The following GPRC5D variants were observed in gnomAD, a reference collection of about 807,000 sequenced individuals.
The protein encoded by GPRC5D is G protein-coupled receptor class C group 5 member D, also known as G protein-coupled receptor family C group 5 member D.
In GPRC5D, 20 loss-of-function variants were observed where a neutral mutation model predicts 29.3. The ratio of observed to expected loss-of-function variants is 0.68; its 90% CI spans 0.48 to 0.99. GPRC5D has a LOEUF of 0.99. Ranked by LOEUF, GPRC5D falls within the 50% of genes least tolerant of loss-of-function variation. GPRC5D has a pLI of 0.00. For missense variants in GPRC5D, 384 were observed against 423.6 expected, an observed-to-expected ratio of 0.91 and a Z score of 0.82; for synonymous variants, 178 against 171.3, an observed-to-expected ratio of 1.04 and a Z score of -0.30.
At chr12:12,946,319 TTC>T (rs1565478413) in intron 1 of GPRC5D, among the ~76,000 whole-genome samples, 2 of 145,128 alleles carry the variant, frequency 1.4e-5, no homozygotes, top group African/African-American at 5.2e-5. Context: ...TTTTCTTTCT[TTC>T]TTTCTTTCTT....
chr12:12,944,021 G>C (rs1420224881), intron 1 of GPRC5D, among the ~76,000 whole-genome samples: 1 of 152,170 alleles, frequency 6.6e-6, no homozygotes, highest in South Asian at 2.1e-4. Flanking sequence ...ACCTTGGTTT[G>C]GTCTCGAAGC....
chr12:12,950,358 A>C, exon 1 of GPRC5D: 2 of 1,609,004 alleles, frequency 1.2e-6, no homozygotes, highest in East Asian at 4.5e-5. Flanking sequence ...AATAGTCTCC[A>C]GTGGACTCGA....
intron 1 of GPRC5D, among the ~76,000 whole-genome samples, chr12:12,942,798 G>C (rs1863187415): frequency 6.6e-6 from 1 of 152,156 alleles, no homozygotes; most frequent in African/African-American, 2.4e-5. Context: ...TGATTTAAAG[G>C]AGTGTATTTA....
chr12:12,945,027 C>T (rs1006753079), intron 1 of GPRC5D, among the ~76,000 whole-genome samples: 9 of 147,482 alleles, frequency 6.1e-5, no homozygotes, highest in Non-Finnish European at 1.0e-4. Context: ...TTCTTTCTTT[C>T]GAGTCTCGTT....
intron 1 of GPRC5D, among the ~76,000 whole-genome samples, chr12:12,946,297 TTCCTTCCTTCCTTTTC>T: frequency 1.2e-4 from 2 of 17,122 alleles, no homozygotes; most frequent in Admixed American, 5.6e-4. Context: ...CCTTTCTTCC[TTCCTTCCTTCCTTTTC>T]TTTCTTTCTT....
At chr12:12,944,405 A>G (rs938445728) in intron 1 of GPRC5D, 1 of 152,108 alleles carries the variant, frequency 6.6e-6, no homozygotes, top group Admixed American at 6.6e-5. Context: ...TGAGGGTGAC[A>G]AAAAAGAACT....
At chr12:12,942,372 C>T in intron 1 of GPRC5D, 44 bp from the exon 3 acceptor site, 1 of 1,210,096 alleles carries the variant, frequency 8.3e-7, no homozygotes, top group Non-Finnish European at 1.2e-6. Flanking sequence ...GTCCGAGAGT[C>T]AATCGGAAAC....
downstream of GPRC5D, chr12:12,940,639 A>G (rs1863117485): frequency 3.6e-6 from 2 of 561,722 alleles, no homozygotes; most frequent in African/African-American, 3.7e-5. Context: ...GTCCTGGTGG[A>G]TGGAGGGGTT....
chr12:12,946,943 A>C (rs1375035777), intron 1 of GPRC5D: 1 of 152,372 alleles, frequency 6.6e-6, no homozygotes, highest in African/African-American at 2.4e-5. Flanking sequence ...GTTTTGGGAC[A>C]GAATTTCGAG....
intron 1 of GPRC5D, among the ~76,000 whole-genome samples, chr12:12,947,543 C>T (rs950596817): frequency 4.1e-5 from 6 of 145,716 alleles, no homozygotes; most frequent in South Asian, 2.4e-4. Flanking sequence ...CTTCCTTCCT[C>T]CCTCCCTCCC....
chr12:12,946,388 TTCTC>T (rs553114607), intron 1 of GPRC5D, among the ~76,000 whole-genome samples: 5 of 140,574 alleles, frequency 3.6e-5, no homozygotes, highest in African/African-American at 5.2e-5. Context: ...CTTTCTCTCT[TTCTC>T]TCTCTCTCTT....
upstream of GPRC5D, among the ~76,000 whole-genome samples, chr12:12,951,721 C>T (rs575283583): frequency 3.1e-3 from 477 of 152,274 alleles, 3 homozygotes; most frequent in African/African-American, 0.011. Context: ...TTGGATCGTT[C>T]TAGACACTGA....
rs145187538 is a variant in GPRC5D at position 12,941,460 on chromosome 12, T to C, written c.964-611A>G. Among the ~76,000 whole-genome samples the C allele has an allele frequency of 5.9e-3, 893 of 152,264 alleles. 10 individuals carry two copies. Among genetic ancestry groups the C allele is most frequent in the African/African-American group, 0.021 (863 of 41,538 alleles). On this transcript the variant is annotated intron_variant, in intron 2 of 2. Transcript: ENST00000228887. Reference sequence around the variant, plus strand: ...TGAGGGTTGATTAAAGCACATGATATAGTTATGGCCTGGTCCATGTGTCAT... The same window carrying C: ...TGAGGGTTGATTAAAGCACATGATACAGTTATGGCCTGGTCCATGTGTCAT...
chr12:12,941,538 G>C (rs576885338), intron 2 of GPRC5D, among the ~76,000 whole-genome samples: 7 of 152,306 alleles, frequency 4.6e-5, no homozygotes, highest in African/African-American at 1.7e-4. Context: ...AGCTTAGTTA[G>C]TGGCCTAGTA....
chr12:12,950,840 C>T (rs912355540), upstream of GPRC5D, among the ~76,000 whole-genome samples: 1 of 150,818 alleles, frequency 6.6e-6, no homozygotes, highest in African/African-American at 2.4e-5. Flanking sequence ...TACAGTGGCT[C>T]ATGCTTGTAA....
chr12:12,943,330 G>A (rs536923395), intron 1 of GPRC5D, among the ~76,000 whole-genome samples: 1 of 152,152 alleles, frequency 6.6e-6, no homozygotes, highest in Non-Finnish European at 1.5e-5. Flanking sequence ...ACACTTAGGG[G>A]TTTCATGTTG....
chr12:12,949,551 A>C, exon 1 of GPRC5D: 1 of 1,598,030 alleles, frequency 6.3e-7, no homozygotes, highest in Non-Finnish European at 8.6e-7. Context: ...CGGGGCAGGC[A>C]TTGCCTTGTA....
chr12:12,951,637 G>A (rs1863498394), upstream of GPRC5D, among the ~76,000 whole-genome samples: 1 of 152,218 alleles, frequency 6.6e-6, no homozygotes. Context: ...GGAGGTGTAT[G>A]AGAATGTTTG....
At chr12:12,941,370 T>A (rs1018161346) in intron 2 of GPRC5D, among the ~76,000 whole-genome samples, 3 of 152,198 alleles carry the variant, frequency 2.0e-5, no homozygotes, top group African/African-American at 7.2e-5. Flanking sequence ...CACTGGAAAT[T>A]GAAATGAATC....
Sources: allele counts gnomAD v4.1 joint callset (sites outside exome capture counted in the v4.1 genomes callset), GRCh38; gene constraint gnomAD v4.1.1; transcripts MANE v1.5; gene names NCBI Gene and HGNC (gene_info 2026-07-23, HGNC 2026-07-21).